Variants in FHAD1 observed in about 807,000 individuals in gnomAD.
FHAD1 encodes forkhead-associated domain-containing protein 1.
FHAD1 carries 146 observed loss-of-function variants against 191.3 expected under a neutral mutation model. The observed-to-expected ratio is 0.76, with a 90% confidence interval of 0.67 to 0.88. The LOEUF is 0.88. Among genes scored for constraint, FHAD1 ranks in the 40% least tolerant of loss-of-function variants. The pLI is 0.00. For missense variants in FHAD1, 1,635 were observed against 1,785.8 expected, an observed-to-expected ratio of 0.92 and a Z score of 1.52; for synonymous variants, 616 against 672.3, an observed-to-expected ratio of 0.92 and a Z score of 1.29.
At chr1:15,354,931 G>A (rs529034234) in intron 20 of FHAD1, among the ~76,000 whole-genome samples, 39 of 132,128 alleles carry the variant, frequency 3.0e-4, no homozygotes, top group Admixed American at 2.4e-3. Flanking sequence ...AGTCTTGGCC[G>A]GGCGCAGTGA....
chr1:15,301,277 G>A lies in FHAD1; in HGVS notation c.751G>A (p.Asp251Asn). 6.4e-7 allele frequency: 1 copy of A among 1,551,760 alleles called. No homozygotes were observed. Among genetic ancestry groups the A allele is most frequent in the African/African-American group, 1.4e-5 (1 of 73,166 alleles). Reference protein sequence around the residue: ...SDYEIESKYKDVIIANLQNEV... With the variant: ...SDYEIESKYKNVIIANLQNEV... ...TTATGAAATTGAATCCAAATACAAA[G>A]ACGTCATAATAGCAAACCTGCAGAA... Residue 251 changes from aspartate (D) to asparagine (N), a missense_variant, in exon 6 of 34, where the codon GAC becomes AAC. Asp to Asn is a conservative substitution (Grantham distance 23). Transcript: ENST00000688493.
intron 18 of FHAD1, among the ~76,000 whole-genome samples, chr1:15,348,216 C>T (rs980179857): frequency 1.3e-5 from 2 of 152,308 alleles, no homozygotes; most frequent in Middle Eastern, 3.4e-3. Context: ...TACAATATCT[C>T]AGCCATATTC....
In FHAD1 at chr1:15,276,391, C is replaced by T. The variant is rs1557980847; in HGVS notation, c.300+3862C>T. Among the ~76,000 whole-genome samples, 1 of 152,218 alleles carries T rather than the reference C, an allele frequency of 6.6e-6. No homozygotes were observed. The stretch of plus-strand genomic sequence containing the variant: ...GGTGGATGCCTTTGCAAATAACTTA[C>T]CCATGGAGTGACATACAAGGTAGAA... On this transcript the variant is annotated intron_variant, in intron 3 of 33. Coordinates refer to ENST00000688493, the MANE Select transcript of FHAD1 (RefSeq NM_001391957.1). This position sits in a 1 kb window ranked among gnomAD's most constrained non-coding sequence, Gnocchi z 4.7.
At position 15,237,277 on chromosome 1, in the gene FHAD1, A is replaced by G. The variant is rs11803320; in HGVS notation, c.-15+516A>G. Among the ~76,000 whole-genome samples, 292 of 152,318 alleles carry G rather than the reference A, an allele frequency of 1.9e-3. 2 individuals carry two copies. The Middle Eastern group carries it at 0.024, about 12-fold the overall frequency. On this transcript the variant is annotated intron_variant, in intron 1 of 33. Coordinates refer to the FHAD1 transcript ENST00000683790. ...GAAAGCCAAAGAAACATGGAGGCTG[A>G]CTGTGGCCTTCAGTTTGCAGTCTCA...
At chr1:15,290,125 A>C (rs1664045142) in intron 4 of FHAD1, among the ~76,000 whole-genome samples, 1 of 152,216 alleles carries the variant, frequency 6.6e-6, no homozygotes, top group Admixed American at 6.5e-5. Context: ...ACTTCTCCCG[A>C]GGAAGTGTAT....
intron 12 of FHAD1, 40 bp from the exon 13 acceptor site, chr1:15,328,237 A>G: frequency 7.2e-7 from 1 of 1,381,602 alleles, no homozygotes; most frequent in Non-Finnish European, 9.6e-7. Context: ...CCTGTATGTT[A>G]CATCTTTTTT....
At chr1:15,269,138 A>G (rs1654826581) in intron 2 of FHAD1, among the ~76,000 whole-genome samples, 2 of 151,404 alleles carry the variant, frequency 1.3e-5, no homozygotes, top group South Asian at 4.2e-4. Flanking sequence ...GTTTTCTTTG[A>G]TTCTCTCTAT....
intron 3 of FHAD1, among the ~76,000 whole-genome samples, chr1:15,284,869 C>T (rs1661874100): frequency 6.6e-6 from 1 of 150,938 alleles, no homozygotes; most frequent in Non-Finnish European, 1.5e-5. Context: ...CAAAAATAAA[C>T]AAAGAAAAAA....
At chr1:15,394,235 C>T (rs927455269) in intron 33 of FHAD1, among the ~76,000 whole-genome samples, 3 of 152,196 alleles carry the variant, frequency 2.0e-5, no homozygotes, top group Non-Finnish European at 2.9e-5. Context: ...TGCTTCCCAT[C>T]CCATGCTTCT....
At chr1:15,319,005 T>A (rs944555689) in intron 10 of FHAD1, among the ~76,000 whole-genome samples, 1 of 151,910 alleles carries the variant, frequency 6.6e-6, no homozygotes, top group African/African-American at 2.4e-5. Flanking sequence ...TTTTTTTTTT[T>A]AATAAATAAA....
At chr1:15,386,152 G>A (rs1570555246) in intron 31 of FHAD1, among the ~76,000 whole-genome samples, 1 of 152,186 alleles carries the variant, frequency 6.6e-6, no homozygotes, top group Non-Finnish European at 1.5e-5. Flanking sequence ...CACCAATAAC[G>A]GTAACAACAG....
At chr1:15,282,057 C>T (rs72864810) in intron 3 of FHAD1, among the ~76,000 whole-genome samples, 7,655 of 152,186 alleles carry the variant, frequency 0.05, 681 homozygotes, top group African/African-American at 0.18. Context: ...TAACAGGGCC[C>T]GCACCTTCTG....
At chr1:15,259,788 C>T (rs958454006) in intron 2 of FHAD1, among the ~76,000 whole-genome samples, 1 of 152,120 alleles carries the variant, frequency 6.6e-6, no homozygotes, top group African/African-American at 2.4e-5. Context: ...TCTCAGGTGT[C>T]GGGGACAGCT....
intron 3 of FHAD1, among the ~76,000 whole-genome samples, chr1:15,280,219 A>G (rs1169462044): frequency 6.6e-6 from 1 of 152,172 alleles, no homozygotes; most frequent in African/African-American, 2.4e-5. Context: ...ACAAAGAACC[A>G]GAGAGCATGG....
At position 15,375,735 on chromosome 1, in the gene FHAD1, C is replaced by A. The variant is rs762965398; in HGVS notation, c.3705+5C>A. On this transcript the variant is annotated splice_donor_5th_base_variant and intron_variant, in intron 28 of 33. Coordinates refer to ENST00000688493, the MANE Select transcript of FHAD1 (RefSeq NM_001391957.1). Reference sequence around the variant, plus strand: ...TCAAGAATAGAGATCCTAGCGGTAACCAAAGAAAATTCTCTCTGCTGTGAC... The same window carrying A: ...TCAAGAATAGAGATCCTAGCGGTAAACAAAGAAAATTCTCTCTGCTGTGAC... 10 of 1,528,736 alleles carry A rather than the reference C, an allele frequency of 6.5e-6. No homozygotes were observed. The highest frequency in any genetic ancestry group is 8.8e-6 in the Non-Finnish European group (10 of 1,140,088). The allele number at this position is 1,528,736 out of a possible 1,614,324, so 94.7% of individuals were successfully genotyped here.
intron 2 of FHAD1, among the ~76,000 whole-genome samples, chr1:15,270,478 G>A (rs1403515235): frequency 1.3e-5 from 2 of 152,128 alleles, no homozygotes; most frequent in Admixed American, 6.5e-5. Context: ...CTAGATTGTT[G>A]TGAAGATGAA....
At chr1:15,341,137 G>A (rs1300340267) in intron 15 of FHAD1, among the ~76,000 whole-genome samples, 1 of 152,122 alleles carries the variant, frequency 6.6e-6, no homozygotes, top group Non-Finnish European at 1.5e-5. Context: ...AACCAAGATT[G>A]TGCCCCTGCA....
At chr1:15,271,380 C>T (rs1477457603) in intron 2 of FHAD1, among the ~76,000 whole-genome samples, 1 of 152,160 alleles carries the variant, frequency 6.6e-6, no homozygotes, top group Non-Finnish European at 1.5e-5. Context: ...TTCATCCCTC[C>T]AGGGCCCTGC....
intron 3 of FHAD1, among the ~76,000 whole-genome samples, chr1:15,273,870 A>G (rs139958429): frequency 5.4e-4 from 82 of 152,296 alleles, no homozygotes; most frequent in African/African-American, 2.0e-3. Context: ...CTCTGCCCCT[A>G]TTAAACAAGA....
Sources: allele counts gnomAD v4.1 joint callset (sites outside exome capture counted in the v4.1 genomes callset), GRCh38; gene constraint gnomAD v4.1.1; non-coding constraint Gnocchi (gnomAD v3.1); transcripts MANE v1.5; gene names NCBI Gene and HGNC (gene_info 2026-07-23, HGNC 2026-07-21).